The following MEIS1 variants were observed in gnomAD, a reference collection of about 807,000 sequenced individuals.
The protein encoded by MEIS1 is homeobox protein Meis1.
A neutral mutation model predicts 50.8 loss-of-function variants in MEIS1; 5 were observed. The ratio of observed to expected loss-of-function variants is 0.10; its 90% CI spans 0.05 to 0.21. MEIS1 has a LOEUF of 0.21. MEIS1 is among the 10% of genes least tolerant of loss of function. MEIS1 has a pLI of 1.00. For missense variants in MEIS1, 318 were observed against 517.3 expected (o/e 0.61, Z 3.74); for synonymous variants, 176 against 179.3 (o/e 0.98, Z 0.15).
chr2:66,554,445 G>C (rs1038201458), intron 9 of MEIS1, among the ~76,000 whole-genome samples: 1 of 152,180 alleles, frequency 6.6e-6, no homozygotes, highest in African/African-American at 2.4e-5. Flanking sequence ...GAGGTGTCAC[G>C]GTCAAGGGGG....
intron 8 of MEIS1, among the ~76,000 whole-genome samples, chr2:66,525,414 C>A (rs561806792): frequency 1.6e-4 from 25 of 152,218 alleles, no homozygotes; most frequent in East Asian, 9.7e-4. Flanking sequence ...TAGAAAGGAT[C>A]TAAGGTACAC....
chr2:66,450,714 T>C (rs1672259691), intron 6 of MEIS1, among the ~76,000 whole-genome samples: 1 of 152,170 alleles, frequency 6.6e-6, no homozygotes, highest in South Asian at 2.1e-4. Context: ...ATTACTCTAA[T>C]ATCAATATAT....
At chr2:66,437,536 G>A in intron 1 of MEIS1, 2 of 600,292 alleles carry the variant, frequency 3.3e-6, no homozygotes, top group South Asian at 2.0e-5. Flanking sequence ...CATCCCAGAC[G>A]AGTCTCGCTG....
chr2:66,569,287 C>T (rs540254150), intron 12 of MEIS1, 142 bp downstream of exon 12: 47 of 684,516 alleles, frequency 6.9e-5, no homozygotes, highest in Non-Finnish European at 1.1e-4. Flanking sequence ...CCATCATTTT[C>T]TTTTTGGTTG....
chr2:66,489,083 T>A (rs1673208381), intron 7 of MEIS1, among the ~76,000 whole-genome samples: 1 of 152,358 alleles, frequency 6.6e-6, no homozygotes, highest in African/African-American at 2.4e-5. Flanking sequence ...AATCATTGTT[T>A]GTGTTGTAAT....
At chr2:66,530,489 C>T (rs1026644238) in intron 8 of MEIS1, among the ~76,000 whole-genome samples, 38 of 151,710 alleles carry the variant, frequency 2.5e-4, no homozygotes, top group African/African-American at 8.5e-4. Flanking sequence ...CCGAGGCGGG[C>T]GGATCATAAG....
At position 66,435,743 on chromosome 2, in the gene MEIS1, C is replaced by CTTTTTTTTTGTTTT; in HGVS notation, c.-105_-104insGTTTTTTTTTTTTT. On this transcript the variant is annotated 5_prime_UTR_variant, in exon 1 of 13. Coordinates refer to ENST00000272369, the MANE Select transcript of MEIS1 (RefSeq NM_002398.3). ...AGACGTTAAGGGATTTTTCGTCGTG[C>CTTTTTTTTTGTTTT]TTTTTTTTTTTTTTTTTTTTTTTTC... The CTTTTTTTTTGTTTT allele has an allele frequency of 3.0e-6, 1 of 335,616 alleles. No homozygotes were observed. The highest frequency in any genetic ancestry group is 4.8e-6 in the Non-Finnish European group (1 of 209,192). 20.8% of individuals were successfully genotyped at this position (335,616 alleles called of 1,614,324 possible).
At chr2:66,537,333 C>T (rs141399173) in intron 8 of MEIS1, among the ~76,000 whole-genome samples, 240 of 152,270 alleles carry the variant, frequency 1.6e-3, no homozygotes, top group East Asian at 4.4e-3. Flanking sequence ...GTTTGTATGC[C>T]GTCTTGATCA....
At chr2:66,446,207 C>T (rs540894802) in intron 6 of MEIS1, among the ~76,000 whole-genome samples, 1 of 152,254 alleles carries the variant, frequency 6.6e-6, no homozygotes, top group African/African-American at 2.4e-5. Context: ...AAGCGGGGCG[C>T]GTGTTCTAGG....
intron 9 of MEIS1, among the ~76,000 whole-genome samples, chr2:66,551,858 G>C (rs1674930264): frequency 6.6e-6 from 1 of 151,828 alleles, no homozygotes; most frequent in Non-Finnish European, 1.5e-5. Flanking sequence ...AGGGGCTTTT[G>C]TCTCTTTGCT....
intron 7 of MEIS1, among the ~76,000 whole-genome samples, chr2:66,495,370 C>T (rs544315076): frequency 1.3e-5 from 2 of 152,074 alleles, no homozygotes; most frequent in African/African-American, 2.4e-5. Context: ...ATTCAACTTC[C>T]GGTCTTTTTC....
chr2:66,451,374 TTA>T (rs1024542869), intron 6 of MEIS1, among the ~76,000 whole-genome samples: 1 of 152,096 alleles, frequency 6.6e-6, no homozygotes, highest in African/African-American at 2.4e-5. Flanking sequence ...TTTATGACTA[TTA>T]TGAAACTCTG....
At chr2:66,553,996 T>C (rs1468847304) in intron 9 of MEIS1, among the ~76,000 whole-genome samples, 1 of 152,190 alleles carries the variant, frequency 6.6e-6, no homozygotes, top group Non-Finnish European at 1.5e-5. Context: ...TATGGTTTTG[T>C]GTAACCACTG....
chr2:66,552,312 C>G (rs1053866731), intron 9 of MEIS1, among the ~76,000 whole-genome samples: 1 of 152,182 alleles, frequency 6.6e-6, no homozygotes, highest in Non-Finnish European at 1.5e-5. Flanking sequence ...TTGTTTACTA[C>G]TCCTCATCCA....
chr2:66,542,235 A>G (rs1251056383), intron 8 of MEIS1, among the ~76,000 whole-genome samples: 1 of 152,190 alleles, frequency 6.6e-6, no homozygotes, highest in African/African-American at 2.4e-5. Context: ...ACTCAGTAGA[A>G]GTTTTAAAAG....
chr2:66,549,778 C>T (rs989377978), intron 9 of MEIS1, among the ~76,000 whole-genome samples: 3 of 152,138 alleles, frequency 2.0e-5, no homozygotes, highest in Non-Finnish European at 4.4e-5. Context: ...TGAGCCATCT[C>T]TCTTCCTCTG....
At position 66,561,347 on chromosome 2, in the gene MEIS1, T is replaced by C. The variant is rs188238007; in HGVS notation, c.966-6106T>C. ...TTCCTGGAATAAAAAAATAACAAAA[T>C]GTTGGGATTTGACAACTACCTTCCA... is the stretch of plus-strand genomic sequence containing the variant. On this transcript the variant is annotated intron_variant, in intron 9 of 12. Coordinates refer to ENST00000272369, the MANE Select transcript of MEIS1 (RefSeq NM_002398.3). Among the ~76,000 whole-genome samples the C allele has an allele frequency of 1.1e-3, 174 of 152,268 alleles. 1 individual carries two copies. The highest frequency in any genetic ancestry group is 1.9e-3 in the Non-Finnish European group (132 of 68,004).
At chr2:66,507,063 T>C (rs1350005163) in intron 7 of MEIS1, among the ~76,000 whole-genome samples, 2 of 152,228 alleles carry the variant, frequency 1.3e-5, no homozygotes, top group Admixed American at 1.3e-4. Context: ...ACCTTCATGT[T>C]GGGCTTTCTT....
At chr2:66,528,694 C>T (rs1241873575) in intron 8 of MEIS1, among the ~76,000 whole-genome samples, 1 of 152,204 alleles carries the variant, frequency 6.6e-6, no homozygotes, top group Non-Finnish European at 1.5e-5. Flanking sequence ...GTTCGTTCCC[C>T]AGCCTTCCTG....
Sources: gnomAD v4.1 joint callset for allele counts (sites outside exome capture counted in the v4.1 genomes callset) on GRCh38, gnomAD v4.1.1 for gene constraint, MANE v1.5 for transcripts, NCBI Gene and HGNC (gene_info 2026-07-23, HGNC 2026-07-21) for gene names.